Variants in FBN2 observed in about 807,000 individuals in gnomAD.
FBN2 encodes fibrillin-2.
In FBN2, 105 loss-of-function variants were observed where a neutral mutation model predicts 355.6. The ratio of observed to expected loss-of-function variants is 0.30; its 90% CI spans 0.25 to 0.35. The LOEUF (loss-of-function observed/expected upper bound fraction) is 0.35. Ranked by LOEUF, FBN2 falls within the 10% of genes least tolerant of loss-of-function variation. The pLI is 1.00. For missense variants in FBN2, 3,280 were observed against 3,758.7 expected (o/e 0.87, Z 3.33); for synonymous variants, 1,350 against 1,301.2 (o/e 1.04, Z -0.81).
At chr5:128,388,211 T>C (rs1446234183) in intron 11 of FBN2, among the ~76,000 whole-genome samples, 1 of 152,230 alleles carries the variant, frequency 6.6e-6, no homozygotes, top group African/African-American at 2.4e-5. Context: ...TATCTATCCA[T>C]TTACTTTGAG....
intron 4 of FBN2, among the ~76,000 whole-genome samples, chr5:128,527,002 TAA>T (rs1356894853): frequency 1.3e-5 from 2 of 152,174 alleles, no homozygotes; most frequent in Non-Finnish European, 2.9e-5. Context: ...TTTCTATGTT[TAA>T]AAAAGAGACC....
At chr5:128,324,951 T>C (rs1459084695) in intron 34 of FBN2, among the ~76,000 whole-genome samples, 1 of 152,148 alleles carries the variant, frequency 6.6e-6, no homozygotes, top group East Asian at 1.9e-4. Flanking sequence ...AGTTCTAATT[T>C]GGTTGCACTG....
chr5:128,457,061 G>GTTC (rs1176709408), intron 6 of FBN2, among the ~76,000 whole-genome samples: 2 of 152,190 alleles, frequency 1.3e-5, no homozygotes, highest in Admixed American at 6.5e-5. Context: ...TTGATAAATG[G>GTTC]TGAGAGGAAT....
At chr5:128,334,606 A>T in intron 31 of FBN2, 113 bp downstream of exon 31, 1 of 1,097,960 alleles carries the variant, frequency 9.1e-7, no homozygotes. Context: ...ACACACAGTC[A>T]CAGTCTGGTG....
chr5:128,429,413 T>G (rs575905332), intron 7 of FBN2, among the ~76,000 whole-genome samples: 1 of 152,270 alleles, frequency 6.6e-6, no homozygotes, highest in Non-Finnish European at 1.5e-5. Flanking sequence ...AAATCGGAAA[T>G]GAAATTTTAA....
intron 8 of FBN2, among the ~76,000 whole-genome samples, chr5:128,397,748 T>G (rs549987737): frequency 6.6e-6 from 1 of 152,214 alleles, no homozygotes; most frequent in East Asian, 1.9e-4. Context: ...AATGAGAATC[T>G]TAGGAGGTAT....
chr5:128,360,774 C>G (rs755540680), intron 19 of FBN2, among the ~76,000 whole-genome samples: 2 of 150,426 alleles, frequency 1.3e-5, no homozygotes, highest in Non-Finnish European at 3.0e-5. Context: ...TTTTTGCATA[C>G]TATTACTACT....
chr5:128,417,538 T>G (rs1753236754), intron 7 of FBN2, among the ~76,000 whole-genome samples: 1 of 152,122 alleles, frequency 6.6e-6, no homozygotes, highest in African/African-American at 2.4e-5. Context: ...ATGCATAGTT[T>G]GTGGAGGGAT....
At chr5:128,457,525 AG>A (rs1754428371) in intron 6 of FBN2, among the ~76,000 whole-genome samples, 2 of 152,190 alleles carry the variant, frequency 1.3e-5, no homozygotes, top group Admixed American at 1.3e-4. Context: ...GTTGAAATGA[AG>A]GAAAAACTGT....
chr5:128,510,525 T>C (rs185309723), intron 5 of FBN2, among the ~76,000 whole-genome samples: 133 of 152,350 alleles, frequency 8.7e-4, no homozygotes, highest in Non-Finnish European at 1.4e-3. Flanking sequence ...TATTCTGTTC[T>C]GTGTTTTATT....
intron 32 of FBN2, 106 bp from the exon 33 acceptor site, chr5:128,330,801 AT>A: frequency 7.9e-7 from 1 of 1,269,528 alleles, no homozygotes; most frequent in Non-Finnish European, 1.1e-6. Flanking sequence ...AATGACAGGC[AT>A]TTTAGTTTGC....
intron 48 of FBN2, among the ~76,000 whole-genome samples, chr5:128,294,643 G>C (rs891740472): frequency 1.4e-5 from 2 of 147,706 alleles, no homozygotes; most frequent in African/African-American, 5.0e-5. Context: ...CTTCTTTTGA[G>C]AAGTGTCTGT....
chr5:128,471,242 T>C (rs1204884408), intron 5 of FBN2, among the ~76,000 whole-genome samples: 4 of 152,058 alleles, frequency 2.6e-5, no homozygotes, highest in Non-Finnish European at 5.9e-5. Context: ...CTGTCCTTAT[T>C]ATAAATGAGG....
chr5:128,400,153 C>A (rs1752759428), intron 8 of FBN2, among the ~76,000 whole-genome samples: 1 of 151,526 alleles, frequency 6.6e-6, no homozygotes, highest in Admixed American at 6.6e-5. Context: ...CTTCTGCTAC[C>A]AGAAGCTTTA....
At chr5:128,362,828 C>T (rs1214898756) in intron 18 of FBN2, among the ~76,000 whole-genome samples, 4 of 152,096 alleles carry the variant, frequency 2.6e-5, no homozygotes, top group Non-Finnish European at 4.4e-5. Context: ...AAGAAATAAA[C>T]CCTGTAGTTT....
intron 5 of FBN2, among the ~76,000 whole-genome samples, chr5:128,469,583 A>G (rs1272803947): frequency 2.0e-5 from 3 of 152,008 alleles, no homozygotes; most frequent in Non-Finnish European, 4.4e-5. Context: ...ATGGAATGAC[A>G]AGCTTATATT....
chr5:128,429,313 CA>C (rs1238136319), intron 7 of FBN2, among the ~76,000 whole-genome samples: 2 of 152,160 alleles, frequency 1.3e-5, no homozygotes, highest in African/African-American at 2.4e-5. Context: ...TTCCTTTCGT[CA>C]CTTCTGTTCT....
chr5:128,426,460 T>TA (rs768406807), intron 7 of FBN2, among the ~76,000 whole-genome samples: 8 of 152,296 alleles, frequency 5.3e-5, no homozygotes, highest in Non-Finnish European at 1.0e-4. Context: ...GAATATATGG[T>TA]AAATGGGTAT....
At chr5:128,457,476 A>C (rs1416174772) in intron 6 of FBN2, among the ~76,000 whole-genome samples, 1 of 152,206 alleles carries the variant, frequency 6.6e-6, no homozygotes, top group Non-Finnish European at 1.5e-5. Flanking sequence ...CTCCATGAGA[A>C]GATCAACCCC....
Sources: gnomAD v4.1 joint callset for allele counts (sites outside exome capture counted in the v4.1 genomes callset) on GRCh38, gnomAD v4.1.1 for gene constraint, MANE v1.5 for transcripts, NCBI Gene and HGNC (gene_info 2026-07-23, HGNC 2026-07-21) for gene names.